Variants in ZNF710 observed in about 807,000 individuals in gnomAD.
ZNF710 encodes the protein zinc finger protein 710.
A neutral mutation model predicts 50.6 loss-of-function variants in ZNF710; 13 were observed. That is an observed-to-expected ratio of 0.26 (90% CI 0.17 to 0.41). The LOEUF (loss-of-function observed/expected upper bound fraction) is 0.41, where lower values mean the gene tolerates loss of function less well. ZNF710 is among the 10% of genes least tolerant of loss of function. The pLI is 1.00. For synonymous variants in ZNF710, 383 were observed against 397.0 expected, an observed-to-expected ratio of 0.96 and a Z score of 0.42; for missense variants, 721 against 936.6, an observed-to-expected ratio of 0.77 and a Z score of 3.01.
intron 1 of ZNF710, among the ~76,000 whole-genome samples, chr15:90,049,803 G>A (rs1048503263): frequency 1.3e-5 from 2 of 152,184 alleles, no homozygotes; most frequent in African/African-American, 4.8e-5. Context: ...TCCTAGTAAT[G>A]AGCAGACCCA....
intron 1 of ZNF710, among the ~76,000 whole-genome samples, chr15:90,009,524 C>T (rs924134943): frequency 2.0e-5 from 3 of 152,110 alleles, no homozygotes; most frequent in Non-Finnish European, 4.4e-5. Context: ...CCTGCCCACC[C>T]CTGCCCCAAC....
chr15:90,035,643 C>T (rs1022332427), intron 1 of ZNF710, among the ~76,000 whole-genome samples: 13 of 152,210 alleles, frequency 8.5e-5, no homozygotes, highest in African/African-American at 2.7e-4. Flanking sequence ...CGGGAAGCCC[C>T]GCACTTCCTA....
At chr15:90,069,590 T>C (rs1038546099) in intron 2 of ZNF710, among the ~76,000 whole-genome samples, 2 of 152,152 alleles carry the variant, frequency 1.3e-5, no homozygotes, top group African/African-American at 4.8e-5. Flanking sequence ...CCTTTGTTCC[T>C]TGTCATTACA....
intron 1 of ZNF710, among the ~76,000 whole-genome samples, chr15:90,057,255 G>T (rs928427196): frequency 6.6e-6 from 1 of 152,080 alleles, no homozygotes; most frequent in Non-Finnish European, 1.5e-5. Flanking sequence ...GATGGTGGGG[G>T]TATGCTATGC....
At position 90,008,425 on chromosome 15, in the gene ZNF710, T is replaced by TATATATATATAC. The variant is rs1163160856; in HGVS notation, c.-29+6811_-29+6812insATATATATATAC. Reference sequence around the variant, plus strand: ...TATAGTATACGTGTGTGTGTGTGTGTGTATATATATATATACATATATATA... The same window carrying TATATATATATAC: ...TATAGTATACGTGTGTGTGTGTGTGTATATATATATACGTATATATATATATACATATATATA... On this transcript the variant is annotated intron_variant, in intron 1 of 4. Transcript: ENST00000268154. Among the ~76,000 whole-genome samples the TATATATATATAC allele has an allele frequency of 1.0e-3, 137 of 133,418 alleles. 7 individuals carry two copies. The highest frequency in any genetic ancestry group is 3.9e-3 in the African/African-American group (128 of 32,584). The allele number at this position is 133,418 out of a possible 152,430, so 87.5% of individuals were successfully genotyped here.
chr15:90,026,461 C>A (rs1170021033), intron 1 of ZNF710, among the ~76,000 whole-genome samples: 2 of 152,076 alleles, frequency 1.3e-5, no homozygotes, highest in Non-Finnish European at 2.9e-5. Context: ...CCTCTACCCA[C>A]CAAAGACACT....
At chr15:90,061,866 T>G (rs139606144) in intron 1 of ZNF710, among the ~76,000 whole-genome samples, 1,693 of 152,300 alleles carry the variant, frequency 0.011, 18 homozygotes, top group Non-Finnish European at 0.015. Context: ...CCAGGCGACT[T>G]GCCCAGCCTT....
In ZNF710 at chr15:90,001,566, G is replaced by T. The variant is rs1898010604; in HGVS notation, c.-77G>T. On this transcript the variant is annotated 5_prime_UTR_variant, in exon 1 of 5. Transcript: ENST00000268154. The stretch of plus-strand genomic sequence containing the variant: ...CAGCCAGGAGCCCCCGGCCCGGCCC[G>T]GCCCGGCCCGCCGAGGGCCCCAGCG... 6.9e-6 allele frequency: 1 copy of T among 145,958 alleles called. No individual in the cohort carries two copies. The highest frequency in any genetic ancestry group is 2.5e-5 in the African/African-American group (1 of 40,526). The allele number at this position is 145,958 out of a possible 1,614,324, so 9.0% of individuals were successfully genotyped here. A position where few individuals can be genotyped will look rare whatever the true frequency, so the allele number is the denominator to read the frequency against.
chr15:90,035,433 G>A (rs374726892), intron 1 of ZNF710, among the ~76,000 whole-genome samples: 37 of 152,318 alleles, frequency 2.4e-4, no homozygotes, highest in Non-Finnish European at 4.1e-4. Context: ...AGCTGGCTGC[G>A]GAAGGCAGGA....
chr15:90,005,506 T>A (rs943551855), intron 1 of ZNF710, among the ~76,000 whole-genome samples: 2 of 152,198 alleles, frequency 1.3e-5, no homozygotes, highest in African/African-American at 4.8e-5. Flanking sequence ...TGGAGTGCAG[T>A]GGCGCGATCT....
In ZNF710 at chr15:90,068,426, A is replaced by G; in HGVS notation, c.1289A>G (p.Gln430Arg). Residue 430 changes from glutamine to arginine, a missense_variant, in exon 2 of 5, where the codon CAG becomes CGG. Coordinates refer to ENST00000268154, the MANE Select transcript of ZNF710 (RefSeq NM_198526.4). This position sits in a 1 kb window ranked among gnomAD's most constrained non-coding sequence, Gnocchi z 5.0. The stretch of plus-strand genomic sequence containing the variant: ...CTCAAGCGCCACCTGGCCTCCCACC[A>G]GGGCCCCACCCTCTACCAGTGCCTC... ...TQLKRHLASH[Q>R]GPTLYQCLEC... 1 of 1,613,992 alleles carries G rather than the reference A, an allele frequency of 6.2e-7. No homozygotes were observed. Among genetic ancestry groups the G allele is most frequent in the Non-Finnish European group, 8.5e-7 (1 of 1,180,036 alleles).
chr15:90,063,185 G>A (rs1309198675), intron 1 of ZNF710, among the ~76,000 whole-genome samples: 2 of 152,192 alleles, frequency 1.3e-5, no homozygotes, highest in African/African-American at 2.4e-5. Context: ...CCTGAGAACT[G>A]AGGAGCCAGG....
chr15:90,060,466 A>G (rs1406300472), intron 1 of ZNF710, among the ~76,000 whole-genome samples: 1 of 152,148 alleles, frequency 6.6e-6, no homozygotes, highest in African/African-American at 2.4e-5. Flanking sequence ...AGGCAGGAGG[A>G]TTGCCTGAGC....
Position 90,068,397 on chromosome 15 carries a change from C to G in ZNF710, c.1260C>G (p.Thr420=), listed in dbSNP as rs752877392. 10 of 1,613,514 alleles carry G rather than the reference C, an allele frequency of 6.2e-6. No homozygotes were observed. In the South Asian group the frequency reaches 1.1e-4, roughly 18 times the overall value. The part of the protein sequence containing the change: ...VECGLDFSTL[T]QLKRHLASHQ... ...GCGGCCTGGACTTCTCCACCCTGAC[C>G]CAGCTCAAGCGCCACCTGGCCTCCC... Residue 420 remains threonine (T), a synonymous_variant, in exon 2 of 5, where the codon ACC becomes ACG. Coordinates refer to ENST00000268154, the MANE Select transcript of ZNF710 (RefSeq NM_198526.4). This position sits in a 1 kb window ranked among gnomAD's most constrained non-coding sequence, Gnocchi z 5.0.
chr15:90,012,317 T>G (rs1358987028), intron 1 of ZNF710, among the ~76,000 whole-genome samples: 1 of 133,354 alleles, frequency 7.5e-6, no homozygotes, highest in Non-Finnish European at 1.6e-5. Context: ...TTTTTTTTTG[T>G]AGTCTTGCTC....
rs181521986 is a variant in ZNF710 at position 90,033,454 on chromosome 15, C to T, written c.-29+31840C>T. 3.8e-4 allele frequency among the ~76,000 whole-genome samples: 58 copies of T among 152,288 alleles called. No individual in the cohort carries two copies. In the East Asian group the frequency reaches 6.8e-3, roughly 18 times the overall value. The stretch of plus-strand genomic sequence containing the variant: ...AGTCTTCTCGCTCCCACTTCACCCT[C>T]GAGATCCCAACAGGCCAGTTCAGGC... On this transcript the variant is annotated intron_variant, in intron 1 of 4. Coordinates refer to ENST00000268154, the MANE Select transcript of ZNF710 (RefSeq NM_198526.4).
intron 1 of ZNF710, among the ~76,000 whole-genome samples, chr15:90,012,504 T>C (rs1009175736): frequency 1.3e-5 from 2 of 151,910 alleles, no homozygotes; most frequent in African/African-American, 4.8e-5. Context: ...TCCCCTGACC[T>C]TGTGATCCAC....
chr15:90,029,292 T>C (rs1451040992), intron 1 of ZNF710, among the ~76,000 whole-genome samples: 1 of 152,148 alleles, frequency 6.6e-6, no homozygotes, highest in Non-Finnish European at 1.5e-5. Flanking sequence ...CAGGTGTGTG[T>C]CATGGGATAT....
intron 1 of ZNF710, among the ~76,000 whole-genome samples, chr15:90,064,257 AG>A: frequency 6.6e-6 from 1 of 152,338 alleles, no homozygotes; most frequent in African/African-American, 2.4e-5. Context: ...GTGGGCCCCA[AG>A]GGGCAGGACC....
Sources: gnomAD v4.1 joint callset for allele counts (sites outside exome capture counted in the v4.1 genomes callset) on GRCh38, gnomAD v4.1.1 for gene constraint, Gnocchi (gnomAD v3.1) non-coding constraint, MANE v1.5 for transcripts, NCBI Gene and HGNC (gene_info 2026-07-23, HGNC 2026-07-21) for gene names.